Variants in OR56B2 observed in about 807,000 individuals in gnomAD.
OR56B2 encodes olfactory receptor family 56 subfamily B member 2.
At chr11:5,768,648 C>T in the OR56B2 span, among the ~76,000 whole-genome samples, 16 of 139,336 alleles carry the variant, frequency 1.1e-4, 3 homozygotes, top group South Asian at 3.7e-3. Flanking sequence ...TACTGTTTTC[C>T]ATAGAGGTCG....
chr11:5,766,645 CT>C, the OR56B2 span: 1 of 139,152 alleles, frequency 7.2e-6, no homozygotes, highest in Non-Finnish European at 1.6e-5. Context: ...CCTTTACCCC[CT>C]ATATTATACA....
the OR56B2 span, chr11:5,767,015 A>G: frequency 7.1e-6 from 1 of 140,376 alleles, no homozygotes. Context: ...TTGTTACAAC[A>G]GAATACCTAA....
chr11:5,765,505 C>A, the OR56B2 span: 8 of 140,242 alleles, frequency 5.7e-5, 3 homozygotes, highest in Non-Finnish European at 1.3e-4. Context: ...ATTTGTCGAC[C>A]GCTACGATAT....
the OR56B2 span, among the ~76,000 whole-genome samples, chr11:5,768,448 A>T: frequency 7.2e-6 from 1 of 139,086 alleles, no homozygotes; most frequent in African/African-American, 2.6e-5. Flanking sequence ...ATCATACCAC[A>T]TTTTTTTTAT....
At chr11:5,767,578 T>G in the OR56B2 span, 11 of 139,576 alleles carry the variant, frequency 7.9e-5, 3 homozygotes, top group African/African-American at 1.1e-4. Flanking sequence ...GCTGTAAATC[T>G]CAAATATATA....
the OR56B2 span, among the ~76,000 whole-genome samples, chr11:5,762,051 T>C: frequency 6.6e-6 from 1 of 152,136 alleles, no homozygotes; most frequent in Non-Finnish European, 1.5e-5. Context: ...GTAATATTAA[T>C]GTTTAGCAAT....
At chr11:5,763,545 C>A in the OR56B2 span, among the ~76,000 whole-genome samples, 1 of 140,162 alleles carries the variant, frequency 7.1e-6, no homozygotes, top group African/African-American at 2.6e-5. Context: ...ATCTCTTGAC[C>A]TCCTGATCCG....
chr11:5,765,152 GT>G, the OR56B2 span: 1 of 162,876 alleles, frequency 6.1e-6, no homozygotes. Flanking sequence ...AGGTCTCTGA[GT>G]TTATCCTGAT....
the OR56B2 span, among the ~76,000 whole-genome samples, chr11:5,763,303 C>T: frequency 2.1e-5 from 2 of 94,664 alleles, no homozygotes; most frequent in South Asian, 3.9e-4. Context: ...CCTTCCATTA[C>T]ATTATATTTA....
the OR56B2 span, chr11:5,766,854 T>C: frequency 1.4e-5 from 2 of 139,604 alleles, no homozygotes; most frequent in African/African-American, 2.6e-5. Flanking sequence ...CATTAACATA[T>C]GACCCAGGAC....
At chr11:5,761,725 G>A in the OR56B2 span, among the ~76,000 whole-genome samples, 1 of 151,968 alleles carries the variant, frequency 6.6e-6, no homozygotes, top group South Asian at 2.1e-4. Flanking sequence ...CATGGTATTA[G>A]GCATCAAAGG....
the OR56B2 span, chr11:5,766,387 G>A: frequency 7.1e-6 from 1 of 140,508 alleles, no homozygotes; most frequent in African/African-American, 2.6e-5. Context: ...CAGATATTGT[G>A]TCAATCTATT....
At chr11:5,766,552 G>A in the OR56B2 span, 1 of 139,500 alleles carries the variant, frequency 7.2e-6, no homozygotes, top group African/African-American at 2.6e-5. Context: ...ATATGCAAAT[G>A]TCCAAAAAAT....
At chr11:5,761,865 C>A in the OR56B2 span, among the ~76,000 whole-genome samples, 3 of 152,028 alleles carry the variant, frequency 2.0e-5, no homozygotes, top group Non-Finnish European at 4.4e-5. Context: ...AGAATAGAAT[C>A]AAGAATCCTA....
chr11:5,764,305 G>C, the OR56B2 span, among the ~76,000 whole-genome samples: 2 of 141,114 alleles, frequency 1.4e-5, 1 homozygote, highest in Non-Finnish European at 3.1e-5. Flanking sequence ...GTCTATGTTT[G>C]TGTGTGCATG....
chr11:5,767,085 G>A, the OR56B2 span: 2 of 139,238 alleles, frequency 1.4e-5, no homozygotes, highest in East Asian at 4.1e-4. Flanking sequence ...GTACTTCAAG[G>A]ACATGTCCCT....
the OR56B2 span, chr11:5,766,496 A>G: frequency 7.1e-6 from 1 of 140,210 alleles, no homozygotes. Context: ...TATGTGTCTT[A>G]TATTTTTAAT....
the OR56B2 span, among the ~76,000 whole-genome samples, chr11:5,763,800 G>A: frequency 7.2e-6 from 1 of 139,698 alleles, no homozygotes; most frequent in Non-Finnish European, 1.6e-5. Flanking sequence ...CACGCCTTTA[G>A]GTTTCTATGG....
the OR56B2 span, among the ~76,000 whole-genome samples, chr11:5,768,487 A>G: frequency 2.2e-5 from 3 of 139,448 alleles, 1 homozygote; most frequent in Non-Finnish European, 4.8e-5. Flanking sequence ...ACACAGGTTG[A>G]TTCCGTATCT....
Sources: gnomAD v4.1 joint callset for allele counts (sites outside exome capture counted in the v4.1 genomes callset) on GRCh38, gnomAD v4.1.1 for gene constraint, MANE v1.5 for transcripts, NCBI Gene and HGNC (gene_info 2026-07-23, HGNC 2026-07-21) for gene names.